Variants in SAMD5 observed in about 807,000 individuals in gnomAD.
SAMD5 encodes the protein sterile alpha motif domain containing 5.
In SAMD5, 13 loss-of-function variants were observed where a neutral mutation model predicts 11.3. That is an observed-to-expected ratio of 1.15 (90% CI 0.75 to 1.83). The LOEUF is 1.83. Among genes scored for constraint, SAMD5 ranks in the 40% most tolerant of loss-of-function variants. SAMD5 has a pLI of 0.00. For synonymous variants in SAMD5, 129 were observed against 111.3 expected, an observed-to-expected ratio of 1.16 and a Z score of -1.00; for missense variants, 255 against 239.1, an observed-to-expected ratio of 1.07 and a Z score of -0.44.
chr6:147,758,238 G>A, the SAMD5 span, among the ~76,000 whole-genome samples: 8 of 152,294 alleles, frequency 5.3e-5, no homozygotes, highest in Non-Finnish European at 1.2e-4. Flanking sequence ...AGAATTTAGC[G>A]ACAGAAATTA....
chr6:147,600,151 C>T (rs1789594056), intron 1 of SAMD5, among the ~76,000 whole-genome samples: 1 of 152,146 alleles, frequency 6.6e-6, no homozygotes, highest in African/African-American at 2.4e-5. Flanking sequence ...GATATTAAGC[C>T]TCTGGGTCCA....
At chr6:147,848,226 C>T in the SAMD5 span, among the ~76,000 whole-genome samples, 11 of 152,264 alleles carry the variant, frequency 7.2e-5, no homozygotes, top group East Asian at 2.1e-3. Context: ...AATCGCTGTA[C>T]ATTTGCCTCA....
rs1266708810 is a variant in SAMD5, at chr6:147,522,543, GAGA to G, written c.459+13162_459+13164del. On this transcript the variant is annotated intron_variant, in intron 1 of 1. Coordinates refer to ENST00000367474, the MANE Select transcript of SAMD5 (RefSeq NM_001030060.3). ...AGTCTTAAACTATTTTTACGTAACT[GAGA>G]AGAAGTAAAAAAATGAAACTATAGC... Among the ~76,000 whole-genome samples the G allele has an allele frequency of 9.2e-5, 14 of 152,240 alleles. No individual in the cohort carries two copies. The South Asian group carries it at 2.5e-3, about 27-fold the overall frequency.
chr6:147,781,786 A>G, the SAMD5 span, among the ~76,000 whole-genome samples: 3,206 of 147,764 alleles, frequency 0.022, 116 homozygotes, highest in African/African-American at 0.075. Context: ...ACACACACAC[A>G]CACACACACA....
chr6:147,951,204 A>G, the SAMD5 span, among the ~76,000 whole-genome samples: 54 of 142,972 alleles, frequency 3.8e-4, 1 homozygote, highest in African/African-American at 1.3e-3. Context: ...TTTTTTTATG[A>G]CGGAGTCTCG....
chr6:147,748,816 G>A, the SAMD5 span, among the ~76,000 whole-genome samples: 1 of 152,152 alleles, frequency 6.6e-6, no homozygotes, highest in South Asian at 2.1e-4. Context: ...CAGCCATTGG[G>A]TCATTATTAT....
At chr6:147,710,113 C>T (rs1791376118) in intron 1 of SAMD5, among the ~76,000 whole-genome samples, 1 of 152,152 alleles carries the variant, frequency 6.6e-6, no homozygotes, top group Admixed American at 6.5e-5. Flanking sequence ...TGCCTCCGGG[C>T]CTTTGCATGT....
chr6:147,732,863 G>GA (rs984227136), intron 1 of SAMD5, among the ~76,000 whole-genome samples: 1 of 152,122 alleles, frequency 6.6e-6, no homozygotes, highest in Admixed American at 6.5e-5. Context: ...CAGACACAGA[G>GA]AAAAAATTTA....
At chr6:147,881,338 G>A in the SAMD5 span, among the ~76,000 whole-genome samples, 1 of 152,130 alleles carries the variant, frequency 6.6e-6, no homozygotes, top group Admixed American at 6.6e-5. Flanking sequence ...TCATTTAGAT[G>A]CCACCTGACT....
Position 147,568,911 on chromosome 6 carries a change from G to C in SAMD5, c.*4455G>C. 2.0e-6 allele frequency: 2 copies of C among 981,330 alleles called. No individual in the cohort carries two copies. The highest frequency in any genetic ancestry group is 2.4e-6 in the Non-Finnish European group (2 of 826,700). 60.8% of individuals were successfully genotyped at this position (981,330 alleles called of 1,614,324 possible). ...AGATATTTCCATAAAAGGCTTAAAG[G>C]GAAAAAAAAATGGTAGGTAGTTCAG... is the stretch of plus-strand genomic sequence containing the variant. On this transcript the variant is annotated 3_prime_UTR_variant, in exon 2 of 2. Coordinates refer to ENST00000367474, the MANE Select transcript of SAMD5 (RefSeq NM_001030060.3).
rs531937567 is a variant in SAMD5 at position 147,519,609 on chromosome 6, T to C, written c.459+10222T>C. 2.6e-5 allele frequency among the ~76,000 whole-genome samples: 4 copies of C among 152,314 alleles called. No individual in the cohort carries two copies. In the East Asian group the frequency reaches 5.8e-4, roughly 22 times the overall value. On this transcript the variant is annotated intron_variant, in intron 1 of 1. Transcript: ENST00000367474. ...CTCATTTTTATATATCATGGTGTTA[T>C]TGTTTATTTCAAATTGACTGTTTAA...
the SAMD5 span, among the ~76,000 whole-genome samples, chr6:147,828,190 C>T: frequency 6.6e-6 from 1 of 152,054 alleles, no homozygotes; most frequent in Non-Finnish European, 1.5e-5. Context: ...GATCATTGCT[C>T]AATTAATATT....
the SAMD5 span, among the ~76,000 whole-genome samples, chr6:147,913,625 G>A: frequency 6.6e-6 from 1 of 152,138 alleles, no homozygotes; most frequent in Non-Finnish European, 1.5e-5. Flanking sequence ...GAACCCGGGA[G>A]GCGGAGGTTG....
the SAMD5 span, among the ~76,000 whole-genome samples, chr6:147,896,221 T>G: frequency 2.0e-5 from 3 of 152,184 alleles, no homozygotes; most frequent in Admixed American, 2.0e-4. Flanking sequence ...ACACATCTGT[T>G]GAACACATTG....
At chr6:147,888,470 G>A in the SAMD5 span, among the ~76,000 whole-genome samples, 1 of 152,072 alleles carries the variant, frequency 6.6e-6, no homozygotes, top group African/African-American at 2.4e-5. Context: ...CGTTATTTCA[G>A]TACTTTTCAT....
At position 147,590,659 on chromosome 6, in the gene SAMD5, C is replaced by T. The variant is rs141031592; in HGVS notation, c.162+81272C>T. Among the ~76,000 whole-genome samples the T allele has an allele frequency of 3.9e-5, 6 of 152,216 alleles. No individual in the cohort carries two copies. The East Asian group carries it at 5.8e-4, about 15-fold the overall frequency. On this transcript the variant is annotated intron_variant, in intron 1 of 1. Transcript: ENST00000566741. ...AACTCCTGAGTTCAAGTGATCTGCC[C>T]GCCTCAGCCTCCCAGTGCTGGGATT...
At chr6:147,874,421 C>A in the SAMD5 span, among the ~76,000 whole-genome samples, 1 of 152,060 alleles carries the variant, frequency 6.6e-6, no homozygotes. Flanking sequence ...GTCAAGCTAG[C>A]TTTGCAACCC....
intron 1 of SAMD5, among the ~76,000 whole-genome samples, chr6:147,706,020 C>T (rs1430024523): frequency 6.6e-6 from 1 of 151,882 alleles, no homozygotes; most frequent in Non-Finnish European, 1.5e-5. Flanking sequence ...TTTAACAATC[C>T]ATAATTATGT....
chr6:147,598,954 C>T lies in SAMD5; in HGVS notation c.162+89567C>T, dbSNP rs138876267. Among the ~76,000 whole-genome samples the T allele has an allele frequency of 6.0e-3, 911 of 152,266 alleles. 13 individuals are homozygous for T. Among genetic ancestry groups the T allele is most frequent in the African/African-American group, 0.021 (865 of 41,552 alleles). ...AGGATGTTCTTCTGGGGAACACAGA[C>T]ATTTCAAGGGAGGGCAGGAGAGTTG... On this transcript the variant is annotated intron_variant, in intron 1 of 1. Transcript: ENST00000566741.
Sources: gnomAD v4.1 joint callset for allele counts (sites outside exome capture counted in the v4.1 genomes callset) on GRCh38, gnomAD v4.1.1 for gene constraint, MANE v1.5 for transcripts, NCBI Gene and HGNC (gene_info 2026-07-23, HGNC 2026-07-21) for gene names.